The following SUFU variants were observed in gnomAD, a reference collection of about 807,000 sequenced individuals.
The protein encoded by SUFU is suppressor of fused homolog.
Under a neutral mutation model 58.9 loss-of-function variants are expected in SUFU, and 7 were observed. That is an observed-to-expected ratio of 0.12 (90% CI 0.07 to 0.22). The LOEUF is 0.22. Among genes scored for constraint, SUFU ranks in the 10% least tolerant of loss-of-function variants. SUFU has a pLI of 1.00. For missense variants in SUFU, 451 were observed against 641.3 expected (o/e 0.70, Z 3.20); for synonymous variants, 232 against 254.8 (o/e 0.91, Z 0.85).
chr10:102,595,518 A>G (rs3934960), intron 6 of SUFU, among the ~76,000 whole-genome samples: 80,237 of 152,090 alleles, frequency 0.53, 21,643 homozygotes, highest in Middle Eastern at 0.63. Context: ...GGCCCCTGTC[A>G]TAAGTGCCAA....
At chr10:102,589,128 CTGT>C (rs1408750552) in intron 3 of SUFU, among the ~76,000 whole-genome samples, 1 of 151,982 alleles carries the variant, frequency 6.6e-6, no homozygotes, top group African/African-American at 2.4e-5. Flanking sequence ...TGTTCTTGCT[CTGT>C]TGCCTAGGCT....
At chr10:102,563,150 G>A (rs1168041088) in intron 3 of SUFU, among the ~76,000 whole-genome samples, 3 of 152,256 alleles carry the variant, frequency 2.0e-5, no homozygotes, top group Non-Finnish European at 2.9e-5. Flanking sequence ...TAGATGAAGA[G>A]AGAGGACTTG....
intron 2 of SUFU, among the ~76,000 whole-genome samples, chr10:102,547,619 C>G (rs2062867341): frequency 6.6e-6 from 1 of 152,230 alleles, no homozygotes; most frequent in Non-Finnish European, 1.5e-5. Flanking sequence ...CCTGGGAGTT[C>G]AAGGACTAGC....
intron 2 of SUFU, among the ~76,000 whole-genome samples, chr10:102,512,577 C>T (rs1038634406): frequency 1.3e-5 from 2 of 152,180 alleles, no homozygotes; most frequent in Non-Finnish European, 2.9e-5. Context: ...TATCCTCTTA[C>T]ATGTGTTTCA....
At chr10:102,526,320 C>T (rs992020775) in intron 2 of SUFU, among the ~76,000 whole-genome samples, 19 of 151,534 alleles carry the variant, frequency 1.3e-4, no homozygotes, top group Admixed American at 1.2e-3. Flanking sequence ...TGGGAGGCCA[C>T]GGGGGGGTGG....
intron 8 of SUFU, among the ~76,000 whole-genome samples, chr10:102,600,202 G>T (rs1009019282): frequency 6.6e-6 from 1 of 152,190 alleles, no homozygotes; most frequent in Non-Finnish European, 1.5e-5. Flanking sequence ...ACCCCCCTCT[G>T]CCCTTAGTCC....
rs956005384 is a variant in SUFU, at chr10:102,632,093, G to A, written c.*1938G>A. ...CTCTCCCTGAACTCTCTCTTGCTCG[G>A]GACCTGCCTGAGGGCTCCCTGCTGC... On this transcript the variant is annotated 3_prime_UTR_variant, in exon 12 of 12. Coordinates refer to ENST00000369902, the MANE Select transcript of SUFU (RefSeq NM_016169.4). The A allele has an allele frequency of 4.3e-6, 1 of 233,232 alleles. No homozygotes were observed. Among genetic ancestry groups the A allele is most frequent in the African/African-American group, 2.2e-5 (1 of 45,328 alleles). The allele number at this position is 233,232 out of a possible 1,614,324, so 14.4% of individuals were successfully genotyped here. A position where few individuals can be genotyped will look rare whatever the true frequency, so the allele number is the denominator to read the frequency against.
chr10:102,561,250 G>C (rs1181107530), intron 3 of SUFU, among the ~76,000 whole-genome samples: 1 of 152,212 alleles, frequency 6.6e-6, no homozygotes, highest in African/African-American at 2.4e-5. Flanking sequence ...GATTTTTAAA[G>C]TGAGGAGGAA....
chr10:102,512,038 G>A (rs1333359834), intron 2 of SUFU, among the ~76,000 whole-genome samples: 2 of 152,088 alleles, frequency 1.3e-5, no homozygotes, highest in Non-Finnish European at 2.9e-5. Flanking sequence ...TAACCACTGG[G>A]CTATTCCACC....
In SUFU at chr10:102,619,030, C is replaced by G; in HGVS notation, c.1296+1602C>G. On this transcript the variant is annotated intron_variant, in intron 10 of 11. Transcript: ENST00000369902. This position sits in a 1 kb window ranked among gnomAD's most constrained non-coding sequence, Gnocchi z 4.2. ...CAGTCGGGACTGGGGCCTCCCCAAACTGCAGAATCTACCCAGTTATGTTTG... is the reference window on the plus strand; with the variant it reads ...CAGTCGGGACTGGGGCCTCCCCAAAGTGCAGAATCTACCCAGTTATGTTTG... 1 of 1,611,484 alleles carries G rather than the reference C, an allele frequency of 6.2e-7. No homozygotes were observed. The highest frequency in any genetic ancestry group is 8.5e-7 in the Non-Finnish European group (1 of 1,179,422).
rs77773918 is a variant in SUFU at position 102,595,283 on chromosome 10, C to T, written c.756+1218C>T. 1.7e-3 allele frequency among the ~76,000 whole-genome samples: 258 copies of T among 152,344 alleles called. 4 individuals are homozygous for T. In the East Asian group the frequency reaches 0.041, roughly 24 times the overall value. ...CACTGTAGACTTGTGAGTTCTTGGGCATAAATCCTCTTCATTCACAGATGA... is the reference window on the plus strand; with the variant it reads ...CACTGTAGACTTGTGAGTTCTTGGGTATAAATCCTCTTCATTCACAGATGA... On this transcript the variant is annotated intron_variant, in intron 6 of 11. Coordinates refer to ENST00000369902, the MANE Select transcript of SUFU (RefSeq NM_016169.4).
At chr10:102,509,608 G>A (rs1048722732) in intron 2 of SUFU, among the ~76,000 whole-genome samples, 1 of 152,104 alleles carries the variant, frequency 6.6e-6, no homozygotes, top group African/African-American at 2.4e-5. Flanking sequence ...TGATGCCTCT[G>A]TGTCTACTTC....
At chr10:102,522,055 T>G (rs933958170) in intron 2 of SUFU, among the ~76,000 whole-genome samples, 8 of 152,236 alleles carry the variant, frequency 5.3e-5, no homozygotes, top group African/African-American at 1.9e-4. Context: ...ATCTTCTTAG[T>G]GAGGACTTAA....
At chr10:102,503,947 C>T (rs1218038679), upstream of SUFU, 1 of 657,722 alleles carries the variant, frequency 1.5e-6, no homozygotes, top group African/African-American at 1.9e-5. Context: ...CCTTAGCGCC[C>T]CGCCGCCCCG....
At chr10:102,533,295 G>C (rs986726321) in intron 2 of SUFU, among the ~76,000 whole-genome samples, 3 of 152,048 alleles carry the variant, frequency 2.0e-5, no homozygotes, top group African/African-American at 7.3e-5. Context: ...TGCCAGGCTG[G>C]GTGCGGTGGC....
chr10:102,564,443 A>G (rs978912815), intron 3 of SUFU, among the ~76,000 whole-genome samples: 24 of 152,000 alleles, frequency 1.6e-4, no homozygotes, highest in African/African-American at 3.1e-4. Context: ...TACTGTTCTC[A>G]TGCCTCAGAT....
chr10:102,621,490 G>A (rs1424884202), intron 10 of SUFU, among the ~76,000 whole-genome samples: 1 of 152,122 alleles, frequency 6.6e-6, no homozygotes, highest in Non-Finnish European at 1.5e-5. Context: ...TGCCCCAACT[G>A]CAGCCCGCTA....
chr10:102,532,741 CA>C (rs906912454), intron 2 of SUFU, among the ~76,000 whole-genome samples: 13 of 152,024 alleles, frequency 8.6e-5, no homozygotes, highest in African/African-American at 2.2e-4. Flanking sequence ...TCAGTGTGTC[CA>C]CAGATCTGCC....
chr10:102,516,399 A>G (rs1564660338), intron 2 of SUFU, among the ~76,000 whole-genome samples: 1 of 151,942 alleles, frequency 6.6e-6, no homozygotes, highest in Non-Finnish European at 1.5e-5. Context: ...TTCCCAGCAG[A>G]TGTCTGTGGG....
Sources: gnomAD v4.1 joint callset for allele counts (sites outside exome capture counted in the v4.1 genomes callset) on GRCh38, gnomAD v4.1.1 for gene constraint, Gnocchi (gnomAD v3.1) non-coding constraint, MANE v1.5 for transcripts, NCBI Gene and HGNC (gene_info 2026-07-23, HGNC 2026-07-21) for gene names.